Variants in DNAJC3 observed in about 807,000 individuals in gnomAD.
DNAJC3 encodes the protein DnaJ heat shock protein family (Hsp40) member C3.
A neutral mutation model predicts 68.6 loss-of-function variants in DNAJC3; 38 were observed. The observed-to-expected ratio is 0.55, with a 90% CI of 0.43 to 0.73. DNAJC3 has a LOEUF of 0.73. Among genes scored for constraint, DNAJC3 ranks in the 30% least tolerant of loss-of-function variants. The pLI is 0.00. For missense variants in DNAJC3, 526 were observed against 591.9 expected, an observed-to-expected ratio of 0.89 and a Z score of 1.16; for synonymous variants, 203 against 204.0, an observed-to-expected ratio of 1.00 and a Z score of 0.04.
chr13:95,709,327 T>C lies in DNAJC3; in HGVS notation c.183T>C (p.His61=). 1 of 1,588,264 alleles carries C rather than the reference T, an allele frequency of 6.3e-7. No homozygotes were observed. The highest frequency in any genetic ancestry group is 2.3e-5 in the East Asian group (1 of 43,076). ...GQLADALSQF[H]AAVDGDPDNY... ...TAGCTGATGCTTTATCTCAGTTTCA[T>C]GCTGCCGTAGGTTTGTATCATGGAA... The change falls in exon 2 of 12, where the codon CAT becomes CAC. Residue 61 remains histidine (H), a synonymous_variant. Coordinates refer to ENST00000602402, the MANE Select transcript of DNAJC3 (RefSeq NM_006260.5).
chr13:95,748,230 A>G (rs141608050), intron 4 of DNAJC3, among the ~76,000 whole-genome samples: 96 of 152,250 alleles, frequency 6.3e-4, no homozygotes, highest in African/African-American at 2.1e-3. Flanking sequence ...ATATAACTGT[A>G]TTTTTTTACT....
intron 9 of DNAJC3, among the ~76,000 whole-genome samples, chr13:95,764,373 CTCTATA>C (rs1323707101): frequency 2.3e-5 from 3 of 128,914 alleles, no homozygotes; most frequent in Admixed American, 7.6e-5. Flanking sequence ...CTCTCTCTCT[CTCTATA>C]TATATATATA....
chr13:95,677,146 C>T lies in DNAJC3; in HGVS notation c.-110C>T. On this transcript the variant is annotated 5_prime_UTR_variant, in exon 1 of 12. Coordinates refer to ENST00000602402, the MANE Select transcript of DNAJC3 (RefSeq NM_006260.5). ...CTTCCTCTGCTGGGCTCCAGAGCCA[C>T]TGAGGCCTGAGCGAGAGCCGACGGC... 1.0e-6 allele frequency: 1 copy of T among 960,040 alleles called. No homozygotes were observed. Among genetic ancestry groups the T allele is most frequent in the South Asian group, 1.6e-5 (1 of 62,032 alleles). The allele number at this position is 960,040 out of a possible 1,614,324, so 59.5% of individuals were successfully genotyped here.
chr13:95,694,397 T>C (rs556319655), intron 1 of DNAJC3: 1 of 152,676 alleles, frequency 6.5e-6, no homozygotes, highest in Admixed American at 6.5e-5. Context: ...ACAGCACCAC[T>C]AATAACCCTA....
At chr13:95,754,549 A>T (rs1216323951) in intron 4 of DNAJC3, among the ~76,000 whole-genome samples, 1 of 152,232 alleles carries the variant, frequency 6.6e-6, no homozygotes, top group Non-Finnish European at 1.5e-5. Flanking sequence ...AATGTAAAAA[A>T]AAAAGGCCAG....
chr13:95,785,451 C>CTTT (rs1566517621), intron 9 of DNAJC3, among the ~76,000 whole-genome samples: 2 of 126,058 alleles, frequency 1.6e-5, no homozygotes, highest in African/African-American at 6.7e-5. Context: ...GCCTTTTAAA[C>CTTT]CTTTTTTTTT....
intron 2 of DNAJC3, among the ~76,000 whole-genome samples, chr13:95,715,355 G>A (rs1029433789): frequency 6.6e-6 from 1 of 152,184 alleles, no homozygotes; most frequent in African/African-American, 2.4e-5. Flanking sequence ...GTGAGCTGAT[G>A]GTGCCAGTGT....
chr13:95,685,956 C>T (rs1880063434), intron 1 of DNAJC3, among the ~76,000 whole-genome samples: 1 of 150,866 alleles, frequency 6.6e-6, no homozygotes, highest in Non-Finnish European at 1.5e-5. Context: ...CTCTTAATGT[C>T]CTTTGCCCAC....
intron 9 of DNAJC3, among the ~76,000 whole-genome samples, chr13:95,774,034 CT>C (rs1566511561): frequency 6.6e-6 from 1 of 152,090 alleles, no homozygotes; most frequent in Non-Finnish European, 1.5e-5. Flanking sequence ...GGTGCCTGGC[CT>C]TGTTGGTCTT....
rs1302393912 is a variant in DNAJC3, at chr13:95,760,183, A to C, written c.690A>C (p.Thr230=). 3.1e-6 allele frequency: 5 copies of C among 1,610,662 alleles called. No individual in the cohort carries two copies. Among genetic ancestry groups the C allele is most frequent in the Non-Finnish European group, 3.4e-6 (4 of 1,178,222 alleles). ...CTGAAGCGTTTTATAAAATAAGCACACTGTACTACCAACTAGGAGACCACG... is the reference window on the plus strand; with the variant it reads ...CTGAAGCGTTTTATAAAATAAGCACCCTGTACTACCAACTAGGAGACCACG... ...DNTEAFYKIS[T]LYYQLGDHEL... is the part of the protein sequence containing the mutation. The change falls in exon 6 of 12, where the codon ACA becomes ACC. Residue 230 remains threonine, a synonymous_variant. Transcript: ENST00000602402.
intron 9 of DNAJC3, among the ~76,000 whole-genome samples, chr13:95,779,566 T>A (rs1199333654): frequency 6.6e-6 from 1 of 152,192 alleles, no homozygotes; most frequent in Non-Finnish European, 1.5e-5. Flanking sequence ...TTTTGTTAGA[T>A]CCTTCATTTT....
At chr13:95,737,391 G>T (rs935152325) in intron 4 of DNAJC3, among the ~76,000 whole-genome samples, 8 of 152,012 alleles carry the variant, frequency 5.3e-5, no homozygotes, top group African/African-American at 1.9e-4. Context: ...GTTTCAGAAG[G>T]AATGGTACCA....
rs2139704555 is a variant in DNAJC3 at position 95,792,383 on chromosome 13, C to A, written c.*1353C>A. ...TACTTTAGATAGATAGGAATTGCTA[C>A]CTTTATTCTGGAAAGGTTTTGTTTC... is the stretch of plus-strand genomic sequence containing the variant. On this transcript the variant is annotated 3_prime_UTR_variant, in exon 12 of 12. Coordinates refer to ENST00000602402, the MANE Select transcript of DNAJC3 (RefSeq NM_006260.5). The A allele has an allele frequency of 6.6e-6, 1 of 152,248 alleles. No individual in the cohort carries two copies. The highest frequency in any genetic ancestry group is 3.4e-3 in the Middle Eastern group (1 of 294). 9.4% of individuals were successfully genotyped at this position (152,248 alleles called of 1,614,324 possible). A position where few individuals can be genotyped will look rare whatever the true frequency, so the allele number is the denominator to read the frequency against.
At chr13:95,688,634 C>T (rs934392579) in intron 1 of DNAJC3, among the ~76,000 whole-genome samples, 1 of 151,878 alleles carries the variant, frequency 6.6e-6, no homozygotes, top group Non-Finnish European at 1.5e-5. Context: ...TGTGCCTCAG[C>T]CTCCTGGGGC....
chr13:95,747,260 A>G (rs1318259670), intron 4 of DNAJC3, among the ~76,000 whole-genome samples: 1 of 152,240 alleles, frequency 6.6e-6, no homozygotes, highest in Non-Finnish European at 1.5e-5. Flanking sequence ...TCAGGCAAAT[A>G]TGATATATGA....
rs755441205 is a variant in DNAJC3 at position 95,764,645 on chromosome 13, CATATATATATATATATAT to C, written c.1075+714_1075+731del. ...TATACAGTTTTTGAAAAATAGAATC[CATATATATATATATATAT>C]ATATATATATATATATATATACACA... is the stretch of plus-strand genomic sequence containing the variant. On this transcript the variant is annotated intron_variant, in intron 9 of 11. Coordinates refer to ENST00000602402, the MANE Select transcript of DNAJC3 (RefSeq NM_006260.5). Among the ~76,000 whole-genome samples, 185 of 56,518 alleles carry C rather than the reference CATATATATATATATATAT, an allele frequency of 3.3e-3. 1 individual carries two copies. Among genetic ancestry groups the C allele is most frequent in the African/African-American group, 0.01 (158 of 15,398 alleles). The allele number at this position is 56,518 out of a possible 152,430, so 37.1% of individuals were successfully genotyped here.
At chr13:95,691,888 A>G (rs1205997202) in intron 1 of DNAJC3, among the ~76,000 whole-genome samples, 2 of 152,236 alleles carry the variant, frequency 1.3e-5, no homozygotes, top group Non-Finnish European at 2.9e-5. Context: ...CGCCGTCTCC[A>G]CCAAAAAAAT....
At chr13:95,732,358 T>C (rs953876782) in intron 4 of DNAJC3, among the ~76,000 whole-genome samples, 3 of 152,200 alleles carry the variant, frequency 2.0e-5, no homozygotes, top group Admixed American at 2.0e-4. Flanking sequence ...TTGTTACTGG[T>C]CTATTCAGGT....
chr13:95,682,355 G>C (rs1008529408), intron 1 of DNAJC3, among the ~76,000 whole-genome samples: 1 of 151,866 alleles, frequency 6.6e-6, no homozygotes, highest in African/African-American at 2.4e-5. Flanking sequence ...TTGCTCTCTG[G>C]TCTGGGTCTG....
Sources: allele counts gnomAD v4.1 joint callset (sites outside exome capture counted in the v4.1 genomes callset), GRCh38; gene constraint gnomAD v4.1.1; transcripts MANE v1.5; gene names NCBI Gene and HGNC (gene_info 2026-07-23, HGNC 2026-07-21).